The following PDE10A variants were observed in gnomAD, a reference collection of about 807,000 sequenced individuals.
The protein encoded by PDE10A is cAMP and cAMP-inhibited cGMP 3',5'-cyclic phosphodiesterase 10A.
A neutral mutation model predicts 97.7 loss-of-function variants in PDE10A; 39 were observed. That is an observed-to-expected ratio of 0.40 (90% CI 0.31 to 0.52). The LOEUF (loss-of-function observed/expected upper bound fraction) is 0.52, where lower values mean the gene tolerates loss of function less well. PDE10A is among the 20% of genes least tolerant of loss of function. PDE10A has a pLI of 0.56. For synonymous variants in PDE10A, 371 were observed against 376.8 expected (o/e 0.98, Z 0.18); for missense variants, 731 against 1,047.8 (o/e 0.70, Z 4.17).
chr6:165,409,059 G>A (rs902691758), intron 13 of PDE10A, among the ~76,000 whole-genome samples: 1 of 150,606 alleles, frequency 6.6e-6, no homozygotes, highest in Non-Finnish European at 1.5e-5. Context: ...CAGCTACTCG[G>A]GAGGCTGAGG....
intron 5 of PDE10A, among the ~76,000 whole-genome samples, chr6:165,448,341 T>C (rs1314120618): frequency 6.6e-6 from 1 of 152,180 alleles, no homozygotes; most frequent in Non-Finnish European, 1.5e-5. Context: ...TGTTGCATTT[T>C]CCGGCGGGCT....
chr6:165,696,327 G>C (rs1791442920), intron 1 of PDE10A, among the ~76,000 whole-genome samples: 1 of 152,094 alleles, frequency 6.6e-6, no homozygotes, highest in Non-Finnish European at 1.5e-5. Flanking sequence ...AGGAATAAAT[G>C]AATCGTAAAT....
chr6:165,575,317 C>T (rs1785248178), intron 1 of PDE10A, among the ~76,000 whole-genome samples: 2 of 152,288 alleles, frequency 1.3e-5, no homozygotes, highest in South Asian at 4.1e-4. Flanking sequence ...CCCACAGCAG[C>T]CAGACCAAGA....
chr6:165,691,200 T>TA (rs1562687287), intron 1 of PDE10A, among the ~76,000 whole-genome samples: 10 of 26,106 alleles, frequency 3.8e-4, no homozygotes, highest in African/African-American at 1.3e-3. Context: ...TCTCTCTCTC[T>TA]CCCCACACAC....
chr6:165,361,576 G>A (rs369247525), intron 18 of PDE10A, among the ~76,000 whole-genome samples: 3 of 152,194 alleles, frequency 2.0e-5, no homozygotes, highest in African/African-American at 7.2e-5. Flanking sequence ...AAAAGTGTGG[G>A]CCCTTAATAC....
intron 1 of PDE10A, chr6:165,782,010 TAGTA>T (rs1323591885): frequency 6.6e-6 from 1 of 152,144 alleles, no homozygotes; most frequent in Non-Finnish European, 1.5e-5. Flanking sequence ...ATGACCCAGA[TAGTA>T]AGGTAAAAAA....
At chr6:165,467,500 C>T (rs933011644) in intron 3 of PDE10A, among the ~76,000 whole-genome samples, 1 of 152,038 alleles carries the variant, frequency 6.6e-6, no homozygotes, top group Non-Finnish European at 1.5e-5. Flanking sequence ...ATTCTAGGGC[C>T]CATAAGAATT....
chr6:165,454,424 T>G (rs1244659530), intron 3 of PDE10A, among the ~76,000 whole-genome samples: 1 of 152,168 alleles, frequency 6.6e-6, no homozygotes, highest in African/African-American at 2.4e-5. Flanking sequence ...CGTTAAAAAT[T>G]TGATCCCCAA....
intron 2 of PDE10A, among the ~76,000 whole-genome samples, chr6:165,517,640 G>C (rs140968761): frequency 6.6e-6 from 1 of 152,122 alleles, no homozygotes; most frequent in African/African-American, 2.4e-5. Context: ...GCTCGACACT[G>C]CATGATGTCA....
intron 13 of PDE10A, among the ~76,000 whole-genome samples, chr6:165,410,570 G>C (rs1448073338): frequency 6.6e-6 from 1 of 152,140 alleles, no homozygotes; most frequent in Non-Finnish European, 1.5e-5. Context: ...CGGACGTAGA[G>C]ATTTATGTAT....
rs971910336 is a variant in PDE10A at position 165,620,793 on chromosome 6, C to T, written c.865+41154G>A. On this transcript the variant is annotated intron_variant, in intron 1 of 21. Coordinates refer to ENST00000539869, the MANE Select transcript of PDE10A (RefSeq NM_001385079.1). Reference sequence around the variant, plus strand: ...ATCCCAACCCTTTGGGAGGTCGAGGCGGGTGGATCATGAGGTCAGGAGATC... The same window carrying T: ...ATCCCAACCCTTTGGGAGGTCGAGGTGGGTGGATCATGAGGTCAGGAGATC... 3.3e-5 allele frequency among the ~76,000 whole-genome samples: 5 copies of T among 152,154 alleles called. 1 individual carries two copies. The highest frequency in any genetic ancestry group is 2.0e-4 in the Admixed American group (3 of 15,284).
At chr6:165,647,312 G>A (rs938848940) in intron 1 of PDE10A, among the ~76,000 whole-genome samples, 1 of 152,198 alleles carries the variant, frequency 6.6e-6, no homozygotes, top group African/African-American at 2.4e-5. Context: ...GGAGCTGCCA[G>A]CGGCAGGGCC....
At chr6:165,944,192 C>T (rs186128574) in intron 1 of PDE10A, among the ~76,000 whole-genome samples, 5 of 152,292 alleles carry the variant, frequency 3.3e-5, no homozygotes, top group South Asian at 2.1e-4. Flanking sequence ...TTGGGAGAAC[C>T]GCATGAAGGT....
chr6:165,521,003 T>C (rs1214735431), intron 2 of PDE10A, among the ~76,000 whole-genome samples: 1 of 152,138 alleles, frequency 6.6e-6, no homozygotes, highest in Non-Finnish European at 1.5e-5. Context: ...TGAAGGTTTG[T>C]GGCACCCCAG....
At chr6:165,668,799 A>AAGGAAAGGAGGG (rs1396082321) in intron 1 of PDE10A, among the ~76,000 whole-genome samples, 3 of 130,734 alleles carry the variant, frequency 2.3e-5, no homozygotes, top group Admixed American at 1.6e-4. Flanking sequence ...GAGGAAGGGG[A>AAGGAAAGGAGGG]AGGAAAGGAG....
intron 1 of PDE10A, among the ~76,000 whole-genome samples, chr6:165,968,556 G>A (rs1351391052): frequency 2.0e-5 from 3 of 152,178 alleles, no homozygotes; most frequent in African/African-American, 7.2e-5. Context: ...TTTTCACCAT[G>A]TGAGGCGTCA....
At chr6:165,506,069 T>C (rs777621260) in intron 2 of PDE10A, among the ~76,000 whole-genome samples, 1 of 152,112 alleles carries the variant, frequency 6.6e-6, no homozygotes, top group Non-Finnish European at 1.5e-5. Context: ...GTCGGGAAAA[T>C]GTCTTTTCCC....
chr6:165,515,554 C>T (rs1389796368), intron 2 of PDE10A, among the ~76,000 whole-genome samples: 2 of 136,228 alleles, frequency 1.5e-5, no homozygotes, highest in African/African-American at 2.9e-5. Flanking sequence ...GATGGAGTCT[C>T]ACTCTGTCAC....
chr6:165,442,084 T>C (rs1790509915), intron 5 of PDE10A, among the ~76,000 whole-genome samples: 1 of 152,220 alleles, frequency 6.6e-6, no homozygotes, highest in Non-Finnish European at 1.5e-5. Context: ...TATTAGTCTG[T>C]TCTCACACTG....
Sources: gnomAD v4.1 joint callset for allele counts (sites outside exome capture counted in the v4.1 genomes callset) on GRCh38, gnomAD v4.1.1 for gene constraint, MANE v1.5 for transcripts, NCBI Gene and HGNC (gene_info 2026-07-23, HGNC 2026-07-21) for gene names.